PKIA: variants seen among roughly 807,000 people sequenced by gnomAD.
The protein encoded by PKIA is PKI-alpha.
A neutral mutation model predicts 7.6 loss-of-function variants in PKIA; 4 were observed. That is an observed-to-expected ratio of 0.52 (90% CI 0.26 to 1.20). The LOEUF is 1.20. Among genes scored for constraint, PKIA ranks in the 50% most tolerant of loss-of-function variants. The probability of loss-of-function intolerance (pLI) is 0.13; values close to 1 mark genes in which losing one functional copy is unlikely to be tolerated. For synonymous variants in PKIA, 21 were observed against 30.7 expected (o/e 0.68, Z 1.04); for missense variants, 73 against 86.2 (o/e 0.85, Z 0.61).
intron 1 of PKIA, among the ~76,000 whole-genome samples, chr8:78,518,844 G>T (rs1335822195): frequency 6.6e-6 from 1 of 152,178 alleles, no homozygotes; most frequent in Admixed American, 6.5e-5. Flanking sequence ...TTTCATTTTA[G>T]TACAACTGAG....
chr8:78,601,935 T>G lies in PKIA; in HGVS notation c.*114T>G, dbSNP rs1161717838. On this transcript the variant is annotated 3_prime_UTR_variant, in exon 4 of 4. Transcript: ENST00000396418. The stretch of plus-strand genomic sequence containing the variant: ...GAAAAAGAAAATGGCTGTGCTGCAT[T>G]GCAGGAACCTGCTCATTATCATGTT... The G allele has an allele frequency of 3.9e-6, 3 of 760,064 alleles. No homozygotes were observed. Among genetic ancestry groups the G allele is most frequent in the Non-Finnish European group, 6.6e-6 (3 of 456,536 alleles). The allele number at this position is 760,064 out of a possible 1,614,324, so 47.1% of individuals were successfully genotyped here.
chr8:78,551,776 G>A (rs1806989705), intron 1 of PKIA, among the ~76,000 whole-genome samples: 1 of 151,934 alleles, frequency 6.6e-6, no homozygotes, highest in Admixed American at 6.6e-5. Flanking sequence ...CATTGAGATG[G>A]AAGTTAGTGG....
chr8:78,593,899 G>T (rs1808164479), intron 2 of PKIA, among the ~76,000 whole-genome samples: 1 of 152,134 alleles, frequency 6.6e-6, no homozygotes, highest in Non-Finnish European at 1.5e-5. Flanking sequence ...TTAGGATTTA[G>T]TAATTTAGTA....
chr8:78,551,275 C>G (rs1404918748), intron 1 of PKIA, among the ~76,000 whole-genome samples: 1 of 151,936 alleles, frequency 6.6e-6, no homozygotes, highest in African/African-American at 2.4e-5. Flanking sequence ...TCCTAGACAA[C>G]TAAAAGTGGG....
chr8:78,564,770 C>T (rs1259733687), intron 1 of PKIA, among the ~76,000 whole-genome samples: 1 of 151,564 alleles, frequency 6.6e-6, no homozygotes, highest in Non-Finnish European at 1.5e-5. Flanking sequence ...AAATTATATC[C>T]AATTAGTAGA....
chr8:78,602,608 T>G lies in PKIA; in HGVS notation c.*787T>G, dbSNP rs1585937768. 1 of 151,978 alleles carries G rather than the reference T, an allele frequency of 6.6e-6. No individual in the cohort carries two copies. Among genetic ancestry groups the G allele is most frequent in the African/African-American group, 2.4e-5 (1 of 41,284 alleles). 9.4% of individuals were successfully genotyped at this position (151,978 alleles called of 1,614,324 possible). On this transcript the variant is annotated 3_prime_UTR_variant, in exon 4 of 4. Transcript: ENST00000396418. ...AATATCCATTAATGTGAATATCACC[T>G]GAATTCAGTCTGTTTGGTGTCTGCA...
At chr8:78,548,753 G>T (rs1024538952) in intron 1 of PKIA, among the ~76,000 whole-genome samples, 2 of 152,118 alleles carry the variant, frequency 1.3e-5, no homozygotes, top group Admixed American at 6.6e-5. Flanking sequence ...TGTTGACTTA[G>T]ATATTAAGAG....
intron 1 of PKIA, among the ~76,000 whole-genome samples, chr8:78,541,684 T>C (rs1036540931): frequency 6.6e-6 from 1 of 152,164 alleles, no homozygotes; most frequent in Non-Finnish European, 1.5e-5. Context: ...ATTATTCAAA[T>C]GGTAATTAAA....
intron 1 of PKIA, among the ~76,000 whole-genome samples, chr8:78,546,989 A>AATT (rs770021431): frequency 1.0e-3 from 152 of 152,338 alleles, no homozygotes; most frequent in Non-Finnish European, 1.4e-3. Context: ...CTATTCTAAT[A>AATT]AGTTAAAAAC....
At chr8:78,572,134 A>C (rs1180541262) in intron 1 of PKIA, among the ~76,000 whole-genome samples, 1 of 151,922 alleles carries the variant, frequency 6.6e-6, no homozygotes, top group Non-Finnish European at 1.5e-5. Context: ...TTTTTGCATA[A>C]TTTGCTTCAC....
chr8:78,568,031 G>T (rs114079370), intron 1 of PKIA, among the ~76,000 whole-genome samples: 92 of 152,116 alleles, frequency 6.0e-4, no homozygotes, highest in African/African-American at 2.0e-3. Context: ...TTCCTTTACT[G>T]GGGAGTGGTA....
chr8:78,558,682 T>A (rs1807211113), intron 1 of PKIA, among the ~76,000 whole-genome samples: 1 of 151,232 alleles, frequency 6.6e-6, no homozygotes, highest in African/African-American at 2.4e-5. Flanking sequence ...CAATTTAAGT[T>A]GAGATTTGGT....
At chr8:78,585,304 G>T in intron 2 of PKIA, among the ~76,000 whole-genome samples, 1 of 151,648 alleles carries the variant, frequency 6.6e-6, no homozygotes, top group African/African-American at 2.4e-5. Flanking sequence ...TCACATTTCT[G>T]CTCTACAGCA....
At chr8:78,539,180 A>G (rs1806611000) in intron 1 of PKIA, among the ~76,000 whole-genome samples, 1 of 152,124 alleles carries the variant, frequency 6.6e-6, no homozygotes, top group Non-Finnish European at 1.5e-5. Context: ...TTTTCTGAAC[A>G]GTAACATTTG....
Position 78,542,927 on chromosome 8 carries a change from A to G in PKIA, c.-157+26459A>G, listed in dbSNP as rs145287686. On this transcript the variant is annotated intron_variant, in intron 1 of 3. Transcript: ENST00000396418. ...GGGGAAGGCTGTCACCACCTGCTGA[A>G]TTATGCCCAAGATTTCAGCAGCGAG... 1.8e-3 allele frequency among the ~76,000 whole-genome samples: 276 copies of G among 152,296 alleles called. 2 individuals carry two copies. Among genetic ancestry groups the G allele is most frequent in the African/African-American group, 4.7e-3 (194 of 41,584 alleles).
At chr8:78,539,970 GAGAT>G (rs1432491031) in intron 1 of PKIA, among the ~76,000 whole-genome samples, 1 of 151,696 alleles carries the variant, frequency 6.6e-6, no homozygotes, top group African/African-American at 2.4e-5. Flanking sequence ...CTAGATAAAA[GAGAT>G]AGGAAAAAAT....
chr8:78,522,417 T>G lies in PKIA; in HGVS notation c.-157+5949T>G, dbSNP rs775645408. The stretch of plus-strand genomic sequence containing the variant: ...GGGTCAGAGATTATGCCCAGATATT[T>G]ATAGTTTGAGTACTCTAGATACTGT... On this transcript the variant is annotated intron_variant, in intron 1 of 3. Transcript: ENST00000396418. Among the ~76,000 whole-genome samples the G allele has an allele frequency of 1.9e-4, 29 of 151,908 alleles. 1 individual carries two copies. The highest frequency in any genetic ancestry group is 2.1e-4 in the South Asian group (1 of 4,826).
At chr8:78,597,167 CTT>C (rs1354991470) in intron 2 of PKIA, among the ~76,000 whole-genome samples, 1 of 151,804 alleles carries the variant, frequency 6.6e-6, no homozygotes, top group Non-Finnish European at 1.5e-5. Flanking sequence ...CATTTGGACT[CTT>C]TTTTGGTTCT....
intron 1 of PKIA, among the ~76,000 whole-genome samples, chr8:78,543,933 T>C (rs1585883414): frequency 6.6e-6 from 1 of 152,242 alleles, no homozygotes; most frequent in East Asian, 1.9e-4. Context: ...TCCCTAATCA[T>C]AGGCCTGTGC....
Sources: gnomAD v4.1 joint callset for allele counts (sites outside exome capture counted in the v4.1 genomes callset) on GRCh38, gnomAD v4.1.1 for gene constraint, MANE v1.5 for transcripts, NCBI Gene and HGNC (gene_info 2026-07-23, HGNC 2026-07-21) for gene names.